Variants in CYP4F12 observed in about 807,000 individuals in gnomAD.
CYP4F12 encodes cytochrome P450 4F12.
In CYP4F12, 60 loss-of-function variants were observed where a neutral mutation model predicts 56.5. The ratio of observed to expected loss-of-function variants is 1.06; its 90% CI spans 0.86 to 1.32. CYP4F12 has a LOEUF of 1.32. CYP4F12 is among the 40% of genes most tolerant of loss of function. The pLI, the probability that CYP4F12 is intolerant of heterozygous loss-of-function variation, is 0.00. For missense variants in CYP4F12, 711 were observed against 683.5 expected, an observed-to-expected ratio of 1.04 and a Z score of -0.45; for synonymous variants, 263 against 264.9, an observed-to-expected ratio of 0.99 and a Z score of 0.07.
At position 15,673,139 on chromosome 19, in the gene CYP4F12, C is replaced by T. The variant is rs1283466030; in HGVS notation, c.-2+4C>T. 4.4e-6 allele frequency: 2 copies of T among 449,838 alleles called. No homozygotes were observed. Among genetic ancestry groups the T allele is most frequent in the Non-Finnish European group, 4.4e-6 (1 of 228,516 alleles). The allele number at this position is 449,838 out of a possible 1,614,324, so 27.9% of individuals were successfully genotyped here. The stretch of plus-strand genomic sequence containing the variant: ...GACAAGCTGCTCCCGACAGAAGGTA[C>T]CAGGCTGGGGGTGGCAGGGCTGGAA... On this transcript the variant is annotated splice_donor_region_variant and intron_variant, in intron 1 of 12. Transcript: ENST00000550308.
At chr19:15,690,913 C>T (rs370584479) in intron 9 of CYP4F12, among the ~76,000 whole-genome samples, 214 of 152,254 alleles carry the variant, frequency 1.4e-3, no homozygotes, top group African/African-American at 4.8e-3. Context: ...TTTCTATCAT[C>T]GATCTCTTCT....
intron 9 of CYP4F12, among the ~76,000 whole-genome samples, chr19:15,691,744 G>A (rs1450787818): frequency 2.0e-5 from 3 of 149,496 alleles, no homozygotes; most frequent in Admixed American, 2.0e-4. Context: ...TGACTTTTTT[G>A]GGGGGTGCTT....
intron 2 of CYP4F12, among the ~76,000 whole-genome samples, chr19:15,676,071 A>G (rs2006904873): frequency 6.6e-6 from 1 of 152,106 alleles, no homozygotes; most frequent in Non-Finnish European, 1.5e-5. Context: ...AGGGCAGGAG[A>G]AGACGGATAT....
intron 6 of CYP4F12, among the ~76,000 whole-genome samples, 200 bp from the exon 7 acceptor site, chr19:15,683,293 C>T (rs1022265130): frequency 2.6e-5 from 4 of 152,148 alleles, no homozygotes; most frequent in Admixed American, 6.5e-5. Context: ...GGAGACAGCT[C>T]TCTCAGAGAT....
chr19:15,688,495 T>C (rs866119015), intron 9 of CYP4F12, among the ~76,000 whole-genome samples: 3 of 152,344 alleles, frequency 2.0e-5, no homozygotes, highest in Middle Eastern at 3.4e-3. Flanking sequence ...CCCATGTTCA[T>C]GGATTGGAAG....
intron 5 of CYP4F12, 128 bp from the exon 6 acceptor site, chr19:15,682,261 T>A (rs1289047830): frequency 7.4e-7 from 1 of 1,343,634 alleles, no homozygotes; most frequent in East Asian, 2.4e-5. Flanking sequence ...TGGTCCTCGC[T>A]GGCAATGGGT....
At chr19:15,680,675 C>T (rs879526751) in intron 5 of CYP4F12, 156 bp downstream of exon 5, 1 of 985,880 alleles carries the variant, frequency 1.0e-6, no homozygotes, top group African/African-American at 1.6e-5. Flanking sequence ...GGATGATAAT[C>T]CCTACTTGAA....
intron 9 of CYP4F12, among the ~76,000 whole-genome samples, chr19:15,692,816 G>A (rs1306887985): frequency 6.6e-6 from 1 of 152,110 alleles, no homozygotes; most frequent in African/African-American, 2.4e-5. Flanking sequence ...GTTCATGACT[G>A]TAATCCCAGT....
chr19:15,680,215 T>G (rs1371332660), intron 3 of CYP4F12, 29 bp from the exon 4 acceptor site: 2 of 1,576,910 alleles, frequency 1.3e-6, no homozygotes, highest in Non-Finnish European at 1.7e-6. Flanking sequence ...GCCCTCTACA[T>G]GGCCCCTGAT....
At position 15,685,332 on chromosome 19, in the gene CYP4F12, G is replaced by A. The variant is rs542287797; in HGVS notation, c.1115+135G>A. ...GTATAAAAGCAGAGGACCACAGGCA[G>A]GGCTTGATACCAAGCCTGGCTGTCA... is the stretch of plus-strand genomic sequence containing the variant. On this transcript the variant is annotated intron_variant, in intron 9 of 12. Coordinates refer to ENST00000550308, the MANE Select transcript of CYP4F12 (RefSeq NM_023944.4). 3 of 1,378,686 alleles carry A rather than the reference G, an allele frequency of 2.2e-6. No individual in the cohort carries two copies. In the African/African-American group the frequency reaches 4.3e-5, roughly 20 times the overall value. 85.4% of individuals were successfully genotyped at this position (1,378,686 alleles called of 1,614,324 possible). A position where few individuals can be genotyped will look rare whatever the true frequency, so the allele number is the denominator to read the frequency against.
At chr19:15,695,119 T>C (rs2008059783) in intron 9 of CYP4F12, among the ~76,000 whole-genome samples, 1 of 151,882 alleles carries the variant, frequency 6.6e-6, no homozygotes, top group South Asian at 2.1e-4. Context: ...CCAACAATGA[T>C]AGACTGGATT....
chr19:15,683,671 C>T lies in CYP4F12; in HGVS notation c.826C>T (p.Arg276Cys), dbSNP rs773893383. ...AGACGCTGTCATCCGGGAGCGGCGT[C>T]GCACCCTCCCCACTCAGGGTATTGA... Reference protein sequence around the residue: ...FTDAVIRERRRTLPTQGIDDF... With the variant: ...FTDAVIRERRCTLPTQGIDDF... The change falls in exon 7 of 13, where the codon CGC becomes TGC. Residue 276 changes from arginine (R) to cysteine (C), a missense_variant. Transcript: ENST00000550308. 13 of 1,613,628 alleles carry T rather than the reference C, an allele frequency of 8.1e-6. No individual in the cohort carries two copies. Among genetic ancestry groups the T allele is most frequent in the East Asian group, 6.7e-5 (3 of 44,878 alleles).
In CYP4F12 at chr19:15,684,803, GCTTTCTCTTCAGGA is replaced by G. The variant is rs760739593; in HGVS notation, c.919-12_920del. 2 of 1,122,338 alleles carry G rather than the reference GCTTTCTCTTCAGGA, an allele frequency of 1.8e-6. No homozygotes were observed. Among genetic ancestry groups the G allele is most frequent in the East Asian group, 5.5e-5 (2 of 36,618 alleles). 69.5% of individuals were successfully genotyped at this position (1,122,338 alleles called of 1,614,324 possible). A position where few individuals can be genotyped will look rare whatever the true frequency, so the allele number is the denominator to read the frequency against. ...GTGTGTGTGTGTGTGTGTGTGTCTT[GCTTTCTCTTCAGGA>G]TGAAGATGGGAAGGCATTGTCAGAT... On this transcript the variant is annotated splice_acceptor_variant and splice_polypyrimidine_tract_variant and coding_sequence_variant and intron_variant, in exon 8 of 13. Coordinates refer to ENST00000550308, the MANE Select transcript of CYP4F12 (RefSeq NM_023944.4). LOFTEE classifies it high-confidence loss of function.
At chr19:15,675,218 G>T (rs369119368) in intron 2 of CYP4F12, among the ~76,000 whole-genome samples, 56,668 of 64,274 alleles carry the variant, frequency 0.88, 25,900 homozygotes, top group East Asian at 1. Flanking sequence ...CTTTCCCTCC[G>T]ACTGGGACCG....
chr19:15,675,532 C>A (rs2006876047), intron 2 of CYP4F12, among the ~76,000 whole-genome samples: 1 of 152,244 alleles, frequency 6.6e-6, no homozygotes. Context: ...GGCCACACTG[C>A]TGCCCACAAA....
intron 12 of CYP4F12, 79 bp from the exon 13 acceptor site, chr19:15,696,829 G>T: frequency 6.7e-7 from 1 of 1,495,840 alleles, no homozygotes; most frequent in Non-Finnish European, 8.9e-7. Flanking sequence ...GCAGTTGGGG[G>T]TCCCAGGCCA....
intron 9 of CYP4F12, among the ~76,000 whole-genome samples, chr19:15,693,155 A>G (rs899443796): frequency 7.5e-6 from 1 of 133,910 alleles, no homozygotes; most frequent in African/African-American, 2.8e-5. Flanking sequence ...GCTTAAAATC[A>G]GCCCAGAAAG....
At chr19:15,696,613 C>G (rs1220977026) in intron 12 of CYP4F12, 101 bp downstream of exon 12, 1 of 1,369,336 alleles carries the variant, frequency 7.3e-7, no homozygotes, top group African/African-American at 1.5e-5. Flanking sequence ...CTCCTTCCCT[C>G]CATTCCTTCA....
chr19:15,685,130 T>C lies in CYP4F12; in HGVS notation c.1048T>C (p.Tyr350His). Residue 350 changes from tyrosine (Y) to histidine (H), a missense_variant, in exon 9 of 13, where the codon TAC (tyrosine) becomes CAC (histidine). Physicochemically the swap from Tyr to His is moderately conservative, Grantham distance 83 (BLOSUM62 2). Transcript: ENST00000550308. ...GTACAACCTTGCGAGGCACCCAGAA[T>C]ACCAGGAGCGCTGCCGACAGGAGGT... ...VLYNLARHPE[Y>H]QERCRQEVQE... 1 of 1,614,148 alleles carries C rather than the reference T, an allele frequency of 6.2e-7. No homozygotes were observed. Among genetic ancestry groups the C allele is most frequent in the South Asian group, 1.1e-5 (1 of 91,086 alleles).
Sources: allele counts gnomAD v4.1 joint callset (sites outside exome capture counted in the v4.1 genomes callset), GRCh38; gene constraint gnomAD v4.1.1; transcripts MANE v1.5; gene names NCBI Gene and HGNC (gene_info 2026-07-23, HGNC 2026-07-21).